The following KLHL22 variants were observed in gnomAD, a reference collection of about 807,000 sequenced individuals.
KLHL22 encodes kelch like family member 22.
A neutral mutation model predicts 60.7 loss-of-function variants in KLHL22; 18 were observed. The ratio of observed to expected loss-of-function variants is 0.30; its 90% confidence interval spans 0.20 to 0.44. KLHL22 has a LOEUF of 0.44. Ranked by LOEUF, KLHL22 falls within the 20% of genes least tolerant of loss-of-function variation. KLHL22 has a pLI of 1.00. For synonymous variants in KLHL22, 355 were observed against 354.5 expected (o/e 1.00, Z -0.01); for missense variants, 596 against 852.3 (o/e 0.70, Z 3.74).
At position 20,445,208 on chromosome 22, in the gene KLHL22, AT is replaced by A. The variant is rs57956195; in HGVS notation, c.1539+1234del. Among the ~76,000 whole-genome samples, 708 of 120,298 alleles carry A rather than the reference AT, an allele frequency of 5.9e-3. 1 individual carries two copies. Among genetic ancestry groups the A allele is most frequent in the African/African-American group, 0.01 (322 of 31,670 alleles). 78.9% of individuals were successfully genotyped at this position (120,298 alleles called of 152,430 possible). A position where few individuals can be genotyped will look rare whatever the true frequency, so the allele number is the denominator to read the frequency against. ...TGAATGCTTTTCCTCACCCTTCTCT[AT>A]TTTTTTTTTTTTTTTGAGATGGAGT... On this transcript the variant is annotated intron_variant, in intron 6 of 6. Transcript: ENST00000328879.
At chr22:20,451,271 G>A (rs2146181820) in intron 5 of KLHL22, 1 of 1,605,918 alleles carries the variant, frequency 6.2e-7, no homozygotes, top group Non-Finnish European at 8.5e-7. Flanking sequence ...TATGTCTCTG[G>A]AGGCTTTGAT....
intron 2 of KLHL22, among the ~76,000 whole-genome samples, chr22:20,486,061 G>C (rs1190022875): frequency 6.8e-6 from 1 of 147,454 alleles, no homozygotes; most frequent in Non-Finnish European, 1.5e-5. Flanking sequence ...CCAGCTACTC[G>C]AGAGGCTGAG....
intron 5 of KLHL22, among the ~76,000 whole-genome samples, chr22:20,457,574 C>G (rs1344923494): frequency 1.3e-5 from 2 of 152,166 alleles, no homozygotes; most frequent in Non-Finnish European, 2.9e-5. Context: ...AAGTGGGGCA[C>G]AATTCTGAGC....
chr22:20,442,958 A>G (rs936958735), intron 6 of KLHL22, among the ~76,000 whole-genome samples: 4 of 152,260 alleles, frequency 2.6e-5, no homozygotes, highest in Admixed American at 1.3e-4. Flanking sequence ...GTCAACATCA[A>G]TATTCTCTTG....
At chr22:20,446,716 T>C (rs1173613477) in intron 5 of KLHL22, 40 bp from the exon 6 acceptor site, 1 of 1,518,382 alleles carries the variant, frequency 6.6e-7, no homozygotes. Flanking sequence ...GAGAGGGCAG[T>C]GAGGAAGGGT....
chr22:20,456,391 C>T (rs973340392), intron 5 of KLHL22: 1 of 152,208 alleles, frequency 6.6e-6, no homozygotes, highest in Admixed American at 6.5e-5. Flanking sequence ...TGAAGGAACA[C>T]CGGCAGCCAC....
intron 5 of KLHL22, among the ~76,000 whole-genome samples, chr22:20,446,891 C>T (rs548039069): frequency 6.6e-6 from 1 of 152,348 alleles, no homozygotes. Context: ...GCGGATACAT[C>T]TATAGACTCA....
At chr22:20,486,982 C>T (rs73384285) in intron 2 of KLHL22, among the ~76,000 whole-genome samples, 5,104 of 151,922 alleles carry the variant, frequency 0.034, 273 homozygotes, top group African/African-American at 0.12. Flanking sequence ...AGCCTGGCCT[C>T]TTTCTAGGCT....
chr22:20,472,217 AGCCTGG>A, intron 2 of KLHL22, among the ~76,000 whole-genome samples: 1 of 152,248 alleles, frequency 6.6e-6, no homozygotes, highest in Non-Finnish European at 1.5e-5. Flanking sequence ...ACTGCACTCC[AGCCTGG>A]GCAACAAAGC....
chr22:20,470,683 GAT>G (rs2053302403), intron 3 of KLHL22, among the ~76,000 whole-genome samples: 1 of 98,642 alleles, frequency 1.0e-5, no homozygotes, highest in Admixed American at 9.7e-5. Flanking sequence ...TGGATGGGTG[GAT>G]GGATGGATGG....
intron 4 of KLHL22, among the ~76,000 whole-genome samples, chr22:20,460,895 A>T (rs1246208002): frequency 1.3e-5 from 2 of 152,224 alleles, no homozygotes; most frequent in Non-Finnish European, 2.9e-5. Context: ...CCTATGTTGA[A>T]GGCCTAACCC....
rs1569132457 is a variant in KLHL22 at position 20,465,004 on chromosome 22, G to A, written c.966C>T (p.Asn322=). The A allele has an allele frequency of 1.9e-6, 3 of 1,612,146 alleles. No homozygotes were observed. The highest frequency in any genetic ancestry group is 2.5e-6 in the Non-Finnish European group (3 of 1,179,034). ...AGTGCTTCCACTCTCCCAGTAAGGGGTTTAGATACTTGGCCTGGTCGCTGA... is the reference window on the plus strand; with the variant it reads ...AGTGCTTCCACTCTCCCAGTAAGGGATTTAGATACTTGGCCTGGTCGCTGA... ...TVLSDQAKYL[N]PLLGEWKHFT... is the part of the protein sequence containing the mutation. Residue 322 remains asparagine, a synonymous_variant, in exon 4 of 7, where the codon AAC becomes AAT. Transcript: ENST00000328879. The surrounding 1 kb of genome is among the most constrained non-coding windows in gnomAD (Gnocchi z 4.9).
At chr22:20,463,756 T>C (rs901183565) in intron 4 of KLHL22, among the ~76,000 whole-genome samples, 2 of 152,218 alleles carry the variant, frequency 1.3e-5, no homozygotes, top group African/African-American at 4.8e-5. Flanking sequence ...TTAACCACAA[T>C]GTGTTATTGC....
intron 1 of KLHL22, among the ~76,000 whole-genome samples, chr22:20,489,493 G>A (rs929005058): frequency 1.3e-5 from 2 of 152,196 alleles, no homozygotes; most frequent in African/African-American, 2.4e-5. Context: ...CTTCTTCAGC[G>A]GCAAAGTCAA....
chr22:20,445,873 C>G (rs1388149574), intron 6 of KLHL22, among the ~76,000 whole-genome samples: 1 of 152,200 alleles, frequency 6.6e-6, no homozygotes, highest in Non-Finnish European at 1.5e-5. Context: ...AAGCCATCCC[C>G]CAACCTCAGC....
chr22:20,477,316 G>C (rs987815342), intron 2 of KLHL22, among the ~76,000 whole-genome samples: 2 of 152,014 alleles, frequency 1.3e-5, no homozygotes, highest in African/African-American at 4.8e-5. Flanking sequence ...ACTTGAACCT[G>C]GGAGGCGGAG....
chr22:20,484,181 C>A (rs1330726634), intron 2 of KLHL22: 1 of 534,364 alleles, frequency 1.9e-6, no homozygotes, highest in South Asian at 1.6e-5. Flanking sequence ...TTAGTAGAGA[C>A]GGGGTTTCGC....
intron 5 of KLHL22, chr22:20,451,420 G>T: frequency 6.2e-7 from 1 of 1,608,466 alleles, no homozygotes; most frequent in Middle Eastern, 1.7e-4. Flanking sequence ...AGGAGGATAT[G>T]ACGGCTTGAA....
At chr22:20,475,429 T>G (rs756740664) in intron 2 of KLHL22, 25 of 152,216 alleles carry the variant, frequency 1.6e-4, no homozygotes, top group Non-Finnish European at 2.9e-4. Context: ...TATTTTCCTC[T>G]AGTGTTTTTA....
Sources: allele counts gnomAD v4.1 joint callset (sites outside exome capture counted in the v4.1 genomes callset), GRCh38; gene constraint gnomAD v4.1.1; non-coding constraint Gnocchi (gnomAD v3.1); transcripts MANE v1.5; gene names NCBI Gene and HGNC (gene_info 2026-07-23, HGNC 2026-07-21).